The following ESRRG variants were observed in gnomAD, a reference collection of about 807,000 sequenced individuals.
ESRRG encodes estrogen-related receptor gamma.
In ESRRG, 13 loss-of-function variants were observed where a neutral mutation model predicts 44.0. The ratio of observed to expected loss-of-function variants is 0.30; its 90% CI spans 0.19 to 0.47. The LOEUF (loss-of-function observed/expected upper bound fraction) is 0.47, where lower values mean the gene tolerates loss of function less well. Ranked by LOEUF, ESRRG falls within the 20% of genes least tolerant of loss-of-function variation. The pLI is 1.00. For synonymous variants in ESRRG, 215 were observed against 214.6 expected (o/e 1.00, Z -0.02); for missense variants, 395 against 580.6 (o/e 0.68, Z 3.29).
In ESRRG at chr1:216,602,631, G is replaced by A. The variant is rs73089945; in HGVS notation, c.590-34533C>T. On this transcript the variant is annotated intron_variant, in intron 3 of 6. Transcript: ENST00000408911. ...CCAAGTGGATTGGTGATTGTGCAGC[G>A]GAGAGAAGATCTGCAAGGATTATTC... is the stretch of plus-strand genomic sequence containing the variant. Among the ~76,000 whole-genome samples the A allele has an allele frequency of 7.2e-3, 1,094 of 152,190 alleles. 11 individuals are homozygous for A. The highest frequency in any genetic ancestry group is 0.025 in the African/African-American group (1,042 of 41,522).
chr1:216,806,401 A>G (rs2094794104), intron 2 of ESRRG, among the ~76,000 whole-genome samples: 1 of 152,210 alleles, frequency 6.6e-6, no homozygotes, highest in Non-Finnish European at 1.5e-5. Flanking sequence ...ATACATAATT[A>G]GCTTGAGTTT....
chr1:216,875,881 G>C (rs959540789), intron 2 of ESRRG, among the ~76,000 whole-genome samples: 1 of 152,106 alleles, frequency 6.6e-6, no homozygotes, highest in Non-Finnish European at 1.5e-5. Flanking sequence ...CGGCAGATAT[G>C]AGCGTTCCAG....
At chr1:217,051,789 G>T (rs745872645) in intron 1 of ESRRG, among the ~76,000 whole-genome samples, 1 of 152,070 alleles carries the variant, frequency 6.6e-6, no homozygotes, top group Non-Finnish European at 1.5e-5. Flanking sequence ...TAAAGACAGG[G>T]TCTCACTTTG....
intron 1 of ESRRG, among the ~76,000 whole-genome samples, chr1:217,015,636 G>A (rs1430894016): frequency 6.6e-6 from 1 of 152,000 alleles, no homozygotes; most frequent in East Asian, 1.9e-4. Flanking sequence ...AGATGCAAGA[G>A]AGTTGTGAGG....
intron 1 of ESRRG, among the ~76,000 whole-genome samples, chr1:217,020,881 G>A (rs1023596775): frequency 6.6e-6 from 1 of 152,062 alleles, no homozygotes; most frequent in Non-Finnish European, 1.5e-5. Flanking sequence ...CCTGACGCAT[G>A]ACATGACTAC....
intron 3 of ESRRG, among the ~76,000 whole-genome samples, chr1:216,637,048 T>A (rs1304161183): frequency 6.6e-6 from 1 of 152,178 alleles, no homozygotes; most frequent in Admixed American, 6.5e-5. Flanking sequence ...AGTACATTTG[T>A]TCATGGACCA....
chr1:217,108,252 CTT>C, intron 1 of ESRRG, among the ~76,000 whole-genome samples: 1 of 152,276 alleles, frequency 6.6e-6, no homozygotes, highest in South Asian at 2.1e-4. Context: ...CTTCAAATCT[CTT>C]CTTAATGCTA....
chr1:216,843,589 G>A (rs1364606176), intron 2 of ESRRG, among the ~76,000 whole-genome samples: 2 of 152,012 alleles, frequency 1.3e-5, no homozygotes, highest in African/African-American at 2.4e-5. Flanking sequence ...ACCAAGACGC[G>A]GATCACATTC....
intron 3 of ESRRG, among the ~76,000 whole-genome samples, chr1:216,622,943 A>G (rs1574283832): frequency 1.3e-5 from 2 of 152,272 alleles, no homozygotes; most frequent in African/African-American, 4.8e-5. Flanking sequence ...AGTAAGCTAA[A>G]CAGTTCTTAT....
chr1:216,637,110 A>G (rs1183808142), intron 3 of ESRRG, among the ~76,000 whole-genome samples: 1 of 152,136 alleles, frequency 6.6e-6, no homozygotes, highest in East Asian at 1.9e-4. Context: ...ACAAACGGAA[A>G]ATGAAATAAT....
intron 2 of ESRRG, among the ~76,000 whole-genome samples, chr1:216,938,231 A>T (rs1211358057): frequency 2.0e-5 from 3 of 152,214 alleles, no homozygotes; most frequent in Non-Finnish European, 4.4e-5. Flanking sequence ...CTAGTGTACA[A>T]ATCATTGCCC....
At chr1:216,664,986 A>G (rs1448189706) in intron 2 of ESRRG, among the ~76,000 whole-genome samples, 1 of 152,200 alleles carries the variant, frequency 6.6e-6, no homozygotes, top group Non-Finnish European at 1.5e-5. Context: ...AATGTCAGCC[A>G]AGAGAGGAAT....
At chr1:217,015,239 A>T (rs12759584) in intron 1 of ESRRG, among the ~76,000 whole-genome samples, 1 of 152,054 alleles carries the variant, frequency 6.6e-6, no homozygotes, top group South Asian at 2.1e-4. Context: ...TTCTGGCTGC[A>T]TTCAATTTCT....
At chr1:216,705,808 A>C (rs1268360668) in intron 1 of ESRRG, among the ~76,000 whole-genome samples, 1 of 152,180 alleles carries the variant, frequency 6.6e-6, no homozygotes, top group African/African-American at 2.4e-5. Flanking sequence ...TCCTCAGAAG[A>C]GGCCTACAAT....
intron 3 of ESRRG, among the ~76,000 whole-genome samples, chr1:216,609,840 AC>A (rs2060395604): frequency 6.6e-6 from 1 of 152,220 alleles, no homozygotes; most frequent in Admixed American, 6.5e-5. Flanking sequence ...ATTCTGTCAA[AC>A]AAAATCTTGG....
At chr1:216,926,783 C>CA (rs1366121976) in intron 2 of ESRRG, among the ~76,000 whole-genome samples, 1 of 152,036 alleles carries the variant, frequency 6.6e-6, no homozygotes, top group Non-Finnish European at 1.5e-5. Context: ...GTGTAGGTGA[C>CA]AAAAAAGCCT....
At chr1:216,773,988 T>C (rs1426721587) in intron 2 of ESRRG, among the ~76,000 whole-genome samples, 1 of 152,166 alleles carries the variant, frequency 6.6e-6, no homozygotes, top group African/African-American at 2.4e-5. Context: ...TATGATCTTT[T>C]GTTTATATAC....
At chr1:216,587,177 A>T (rs1219110965) in intron 3 of ESRRG, among the ~76,000 whole-genome samples, 1 of 152,212 alleles carries the variant, frequency 6.6e-6, no homozygotes, top group Non-Finnish European at 1.5e-5. Flanking sequence ...GCACAATTAT[A>T]ACTTGTTTCA....
intron 1 of ESRRG, among the ~76,000 whole-genome samples, chr1:217,066,380 GAGT>G (rs1250946566): frequency 1.3e-5 from 2 of 150,200 alleles, no homozygotes; most frequent in African/African-American, 4.9e-5. Flanking sequence ...TCAGCCTCCC[GAGT>G]AGCTGGGACT....
Sources: gnomAD v4.1 joint callset for allele counts (sites outside exome capture counted in the v4.1 genomes callset) on GRCh38, gnomAD v4.1.1 for gene constraint, MANE v1.5 for transcripts, NCBI Gene and HGNC (gene_info 2026-07-23, HGNC 2026-07-21) for gene names.